The following PTP4A1 variants were observed in gnomAD, a reference collection of about 807,000 sequenced individuals.
PTP4A1 encodes the protein protein tyrosine phosphatase type IVA 1.
Under a neutral mutation model 20.5 loss-of-function variants are expected in PTP4A1, and 9 were observed. The ratio of observed to expected loss-of-function variants is 0.44; its 90% CI spans 0.26 to 0.77. The LOEUF (loss-of-function observed/expected upper bound fraction) is 0.77. PTP4A1 is among the 30% of genes least tolerant of loss of function. PTP4A1 has a pLI of 0.19. For missense variants in PTP4A1, 137 were observed against 218.8 expected (o/e 0.63, Z 2.36); for synonymous variants, 78 against 67.4 (o/e 1.16, Z -0.77).
chr6:63,553,832 A>C (rs1413777784), intron 3 of PTP4A1, among the ~76,000 whole-genome samples: 1 of 152,230 alleles, frequency 6.6e-6, no homozygotes, highest in East Asian at 1.9e-4. Context: ...CCAGCCTGGG[A>C]TTATAATTGT....
chr6:63,516,993 T>C (rs932401768), upstream of PTP4A1, among the ~76,000 whole-genome samples: 8 of 152,140 alleles, frequency 5.3e-5, no homozygotes, highest in Non-Finnish European at 7.4e-5. Context: ...AAATAAACCA[T>C]TGACCGAAGC....
chr6:63,518,349 G>A (rs1466593744), upstream of PTP4A1, among the ~76,000 whole-genome samples: 1 of 152,066 alleles, frequency 6.6e-6, no homozygotes, highest in East Asian at 1.9e-4. Flanking sequence ...TAAACTAACA[G>A]CTTAGGTATC....
upstream of PTP4A1, among the ~76,000 whole-genome samples, chr6:63,517,468 C>T (rs1774769799): frequency 6.6e-6 from 1 of 152,158 alleles, no homozygotes; most frequent in Admixed American, 6.6e-5. Context: ...TAAAGGTATG[C>T]ACACATGATG....
At chr6:63,561,726 C>T (rs571843946) in intron 3 of PTP4A1, among the ~76,000 whole-genome samples, 20 of 152,276 alleles carry the variant, frequency 1.3e-4, no homozygotes, top group Admixed American at 1.2e-3. Flanking sequence ...ACTTTAATTT[C>T]CCAGGGAGCT....
chr6:63,553,917 C>G (rs145644897), intron 3 of PTP4A1, among the ~76,000 whole-genome samples: 111 of 152,052 alleles, frequency 7.3e-4, no homozygotes, highest in African/African-American at 2.5e-3. Context: ...ACAGAAAATA[C>G]GAAAGAAAAA....
intron 2 of PTP4A1, among the ~76,000 whole-genome samples, chr6:63,539,065 G>GT (rs1372022606): frequency 6.6e-6 from 1 of 151,720 alleles, no homozygotes; most frequent in Non-Finnish European, 1.5e-5. Context: ...GCTAATTTGT[G>GT]TTTTTTTAGT....
chr6:63,550,879 GC>G (rs1463494074), intron 3 of PTP4A1, among the ~76,000 whole-genome samples: 2 of 152,208 alleles, frequency 1.3e-5, no homozygotes, highest in Admixed American at 6.5e-5. Context: ...GCCTGCCTCG[GC>G]CTCCCAAAGT....
chr6:63,576,967 C>A lies in PTP4A1; in HGVS notation c.87C>A (p.Thr29=), dbSNP rs778059234. The A allele has an allele frequency of 1.9e-6, 3 of 1,612,260 alleles. No homozygotes were observed. In the East Asian group the frequency reaches 6.7e-5, roughly 36 times the overall value. ...TTACACACAATCCAACCAATGCGACCTTAAACAAATTTATAGAGGTAAGAT... is the reference window on the plus strand; with the variant it reads ...TTACACACAATCCAACCAATGCGACATTAAACAAATTTATAGAGGTAAGAT... The part of the protein sequence containing the change: ...FLITHNPTNA[T]LNKFIEELKK... The change falls in exon 2 of 6, where the codon ACC becomes ACA. Residue 29 remains threonine, a synonymous_variant. Coordinates refer to ENST00000626021, the MANE Select transcript of PTP4A1 (RefSeq NM_003463.5).
intron 4 of PTP4A1, 33 bp from the exon 5 acceptor site, chr6:63,579,224 A>T (rs1348856083): frequency 6.4e-7 from 1 of 1,566,890 alleles, no homozygotes; most frequent in Admixed American, 1.9e-5. Context: ...CTGATTTTGA[A>T]AAAACTATTT....
upstream of PTP4A1, among the ~76,000 whole-genome samples, chr6:63,519,205 G>A (rs1484802138): frequency 6.6e-6 from 1 of 152,108 alleles, no homozygotes; most frequent in Non-Finnish European, 1.5e-5. Flanking sequence ...TACTCAGAAG[G>A]CTGTGGCGGG....
At position 63,576,837 on chromosome 6, in the gene PTP4A1, T is replaced by C. The variant is rs540620817; in HGVS notation, c.-44T>C. The C allele has an allele frequency of 1.3e-5, 19 of 1,493,228 alleles. No individual in the cohort carries two copies. The Middle Eastern group carries it at 7.1e-4, about 56-fold the overall frequency. The allele number at this position is 1,493,228 out of a possible 1,614,324, so 92.5% of individuals were successfully genotyped here. On this transcript the variant is annotated 5_prime_UTR_variant, in exon 2 of 6. Transcript: ENST00000626021. ...GCATCATTTCTGTATTCAATTTTTT[T>C]AATTATTTCATAACCCTATTGAGTG... is the stretch of plus-strand genomic sequence containing the variant.
intron 5 of PTP4A1, 30 bp downstream of exon 5, chr6:63,579,361 C>T (rs771087210): frequency 1.3e-6 from 2 of 1,508,176 alleles, no homozygotes; most frequent in Non-Finnish European, 1.8e-6. Context: ...TTCATTTGTA[C>T]TCTCTTTCAT....
At chr6:63,524,174 G>A (rs1484450864) in intron 1 of PTP4A1, among the ~76,000 whole-genome samples, 1 of 151,986 alleles carries the variant, frequency 6.6e-6, no homozygotes, top group African/African-American at 2.4e-5. Flanking sequence ...GAGTAGAGAT[G>A]GAGTTTTACC....
intron 1 of PTP4A1, among the ~76,000 whole-genome samples, chr6:63,523,805 T>C (rs1475003466): frequency 6.6e-6 from 1 of 152,138 alleles, no homozygotes; most frequent in Non-Finnish European, 1.5e-5. Context: ...CTTCTTTCAG[T>C]GGGGCCCGGA....
At chr6:63,541,043 AAGG>A (rs1775950249) in intron 2 of PTP4A1, among the ~76,000 whole-genome samples, 3 of 150,744 alleles carry the variant, frequency 2.0e-5, no homozygotes, top group Non-Finnish European at 4.4e-5. Context: ...GGAAGGAAGG[AAGG>A]AAGGAAGGAA....
Position 63,576,718 on chromosome 6 carries a change from A to C in PTP4A1, c.-163A>C, listed in dbSNP as rs1777887063. 6.4e-6 allele frequency: 4 copies of C among 624,146 alleles called. No homozygotes were observed. The South Asian group carries it at 8.3e-5, about 13-fold the overall frequency. 38.7% of individuals were successfully genotyped at this position (624,146 alleles called of 1,614,324 possible). ...GATTGAAGAATTGCTGCTTCTTGTT[A>C]GGAGGTTCATTTCACTTATCATTAC... On this transcript the variant is annotated 5_prime_UTR_variant, in exon 2 of 6. Transcript: ENST00000626021.
rs563037107 is a variant in PTP4A1 at position 63,577,799 on chromosome 6, C to T, written c.106-638C>T. ...ACTCCTGACCTCAGGTGAGCCACCA[C>T]GCCTGGCTGGGAAATACTTTAATGG... On this transcript the variant is annotated intron_variant, in intron 2 of 5. Coordinates refer to ENST00000626021, the MANE Select transcript of PTP4A1 (RefSeq NM_003463.5). 2.6e-5 allele frequency among the ~76,000 whole-genome samples: 4 copies of T among 151,608 alleles called. No homozygotes were observed. In the South Asian group the frequency reaches 8.3e-4, roughly 31 times the overall value.
upstream of PTP4A1, among the ~76,000 whole-genome samples, chr6:63,569,409 A>T (rs770459483): frequency 4.0e-4 from 61 of 152,158 alleles, no homozygotes; most frequent in Non-Finnish European, 5.7e-4. Context: ...GGTGCCTGCC[A>T]CCATGCCCAG....
intron 2 of PTP4A1, among the ~76,000 whole-genome samples, chr6:63,543,534 G>A (rs969303674): frequency 1.3e-5 from 2 of 152,262 alleles, no homozygotes; most frequent in African/African-American, 2.4e-5. Flanking sequence ...AATAATAATT[G>A]TTCATTGAAT....
Sources: allele counts gnomAD v4.1 joint callset (sites outside exome capture counted in the v4.1 genomes callset), GRCh38; gene constraint gnomAD v4.1.1; transcripts MANE v1.5; gene names NCBI Gene and HGNC (gene_info 2026-07-23, HGNC 2026-07-21).